Variants in EPB41L2 observed in about 807,000 individuals in gnomAD.
EPB41L2 encodes erythrocyte membrane protein band 4.1 like 2.
In EPB41L2, 43 loss-of-function variants were observed where a neutral mutation model predicts 113.0. That is an observed-to-expected ratio of 0.38 (90% CI 0.30 to 0.49). EPB41L2 has a LOEUF of 0.49. Ranked by LOEUF, EPB41L2 falls within the 20% of genes least tolerant of loss-of-function variation. EPB41L2 has a pLI of 0.95. For missense variants in EPB41L2, 1,147 were observed against 1,223.4 expected (o/e 0.94, Z 0.93); for synonymous variants, 442 against 436.7 (o/e 1.01, Z -0.15).
At chr6:130,947,022 C>CCG (rs1293081262) in intron 3 of EPB41L2, among the ~76,000 whole-genome samples, 1 of 141,670 alleles carries the variant, frequency 7.1e-6, no homozygotes, top group African/African-American at 2.7e-5. Context: ...AGAAGACCCC[C>CCG]CCCCCAGCCC....
intron 1 of EPB41L2, among the ~76,000 whole-genome samples, chr6:130,998,110 T>C (rs972735913): frequency 6.6e-6 from 1 of 152,220 alleles, no homozygotes; most frequent in African/African-American, 2.4e-5. Context: ...AGAAATGTAC[T>C]ACCAATGACT....
intron 3 of EPB41L2, among the ~76,000 whole-genome samples, chr6:130,944,172 TACACACACAC>T (rs869217556): frequency 8.0e-6 from 1 of 125,560 alleles, no homozygotes; most frequent in Non-Finnish European, 1.6e-5. Context: ...TACACACACA[TACACACACAC>T]ACACACACAC....
chr6:130,994,981 C>T (rs559798071), intron 1 of EPB41L2, among the ~76,000 whole-genome samples: 1 of 151,276 alleles, frequency 6.6e-6, no homozygotes, highest in South Asian at 2.1e-4. Flanking sequence ...CCCCACCTTT[C>T]CAGACAGAAC....
At chr6:130,994,649 C>T (rs1223089706) in intron 1 of EPB41L2, among the ~76,000 whole-genome samples, 4 of 152,136 alleles carry the variant, frequency 2.6e-5, no homozygotes, top group African/African-American at 9.7e-5. Context: ...TATGACTACA[C>T]TCACTGAAAG....
intron 3 of EPB41L2, among the ~76,000 whole-genome samples, chr6:130,937,943 C>T (rs1025979356): frequency 6.6e-6 from 1 of 152,074 alleles, no homozygotes; most frequent in African/African-American, 2.4e-5. Flanking sequence ...CACAAGACGA[C>T]TGGAGATCCT....
rs186068977 is a variant in EPB41L2, at chr6:130,870,614, C to T, written c.2044-488G>A. 2.4e-3 allele frequency among the ~76,000 whole-genome samples: 360 copies of T among 152,242 alleles called. 2 individuals carry two copies. Among genetic ancestry groups the T allele is most frequent in the African/African-American group, 7.5e-3 (312 of 41,528 alleles). On this transcript the variant is annotated intron_variant, in intron 14 of 19. Transcript: ENST00000337057. ...TAAAATGCTTTTATTATAGATATAC[C>T]TATAAGCTCTACCTATGTAGTTAAA...
At chr6:131,017,608 G>A (rs904783466) in intron 1 of EPB41L2, among the ~76,000 whole-genome samples, 2 of 152,114 alleles carry the variant, frequency 1.3e-5, no homozygotes, top group African/African-American at 4.8e-5. Context: ...AGGATAGGTT[G>A]GTTCCAAAGT....
At chr6:130,940,648 G>A (rs1223862731) in intron 3 of EPB41L2, among the ~76,000 whole-genome samples, 1 of 151,934 alleles carries the variant, frequency 6.6e-6, no homozygotes, top group Non-Finnish European at 1.5e-5. Context: ...TGTATTTTTA[G>A]TAGAGATGGG....
chr6:130,861,889 AGT>A (rs1782221105), intron 18 of EPB41L2, among the ~76,000 whole-genome samples: 2 of 151,390 alleles, frequency 1.3e-5, no homozygotes, highest in African/African-American at 2.4e-5. Context: ...AAAAAAAAAA[AGT>A]TTATGCTATC....
intron 4 of EPB41L2, among the ~76,000 whole-genome samples, chr6:130,918,304 T>C (rs1428571963): frequency 6.6e-6 from 1 of 152,186 alleles, no homozygotes; most frequent in African/African-American, 2.4e-5. Flanking sequence ...ACTACATTTC[T>C]AACAAGCTCC....
chr6:131,019,336 G>GT (rs1788943983), intron 1 of EPB41L2, among the ~76,000 whole-genome samples: 1 of 152,096 alleles, frequency 6.6e-6, no homozygotes, highest in Non-Finnish European at 1.5e-5. Context: ...ACTCACTTAA[G>GT]TTTTGCACAC....
chr6:130,841,114 G>C (rs1030449700), intron 19 of EPB41L2, among the ~76,000 whole-genome samples: 13 of 151,772 alleles, frequency 8.6e-5, no homozygotes, highest in South Asian at 2.1e-4. Context: ...GGTGAAGAAA[G>C]GGACATTACT....
intron 1 of EPB41L2, among the ~76,000 whole-genome samples, chr6:131,022,796 A>G (rs1369517791): frequency 6.6e-6 from 1 of 152,216 alleles, no homozygotes; most frequent in Non-Finnish European, 1.5e-5. Context: ...ACCATTGTAT[A>G]TAAGCCTTTT....
intron 14 of EPB41L2, among the ~76,000 whole-genome samples, chr6:130,873,577 T>C (rs1457438532): frequency 6.6e-6 from 1 of 151,974 alleles, no homozygotes; most frequent in African/African-American, 2.4e-5. Flanking sequence ...GTGATTTTCC[T>C]GCCTCAGCCT....
chr6:130,956,365 G>C lies in EPB41L2; in HGVS notation c.121C>G (p.Pro41Ala), dbSNP rs1339606684. The C allele has an allele frequency of 3.7e-6, 6 of 1,613,988 alleles. No homozygotes were observed. The Admixed American group carries it at 1.0e-4, about 27-fold the overall frequency. ...GGCTGGGAACCTTTTTCCTCCTCTG[G>C]ATCGGAAGACTGATTCTGCTGATTT... The part of the protein sequence containing the change: ...AENQQNQSSD[P>A]EEEKGSQPPP... The change falls in exon 2 of 20, where the codon CCA (proline) becomes GCA (alanine). Residue 41 changes from proline to alanine, a missense_variant. Pro to Ala is a conservative substitution (Grantham distance 27). Coordinates refer to ENST00000337057, the MANE Select transcript of EPB41L2 (RefSeq NM_001431.4).
At chr6:130,889,027 G>A (rs1695637972) in intron 11 of EPB41L2, among the ~76,000 whole-genome samples, 1 of 152,026 alleles carries the variant, frequency 6.6e-6, no homozygotes, top group Admixed American at 6.6e-5. Context: ...TTTTTCATCT[G>A]TTAGCATTAT....
chr6:131,035,643 CA>C (rs1287537878), intron 1 of EPB41L2, among the ~76,000 whole-genome samples: 1 of 152,176 alleles, frequency 6.6e-6, no homozygotes. Context: ...GATTACAATA[CA>C]GGGTATTGAG....
chr6:130,944,162 TACACACACATAC>T (rs1302295548), intron 3 of EPB41L2, among the ~76,000 whole-genome samples: 2,975 of 132,964 alleles, frequency 0.022, 100 homozygotes, highest in African/African-American at 0.072. Context: ...TATACGTACA[TACACACACATAC>T]ACACACACAC....
intron 14 of EPB41L2, chr6:130,876,675 T>C (rs1189136138): frequency 7.7e-7 from 1 of 1,302,974 alleles, no homozygotes; most frequent in African/African-American, 1.5e-5. Context: ...GGTGAACACC[T>C]TGTCCGTCTC....
Sources: allele counts gnomAD v4.1 joint callset (sites outside exome capture counted in the v4.1 genomes callset), GRCh38; gene constraint gnomAD v4.1.1; transcripts MANE v1.5; gene names NCBI Gene and HGNC (gene_info 2026-07-23, HGNC 2026-07-21).